The following RFTN1 variants were observed in gnomAD, a reference collection of about 807,000 sequenced individuals.
RFTN1 encodes raftlin, lipid raft linker 1, also known as raftlin.
RFTN1 carries 26 observed loss-of-function variants against 46.5 expected under a neutral mutation model. The ratio of observed to expected loss-of-function variants is 0.56; its 90% CI spans 0.41 to 0.78. The LOEUF is 0.78. Among genes scored for constraint, RFTN1 ranks in the 30% least tolerant of loss-of-function variants. The pLI is 0.00. For missense variants in RFTN1, 693 were observed against 718.7 expected (o/e 0.96, Z 0.41); for synonymous variants, 261 against 284.2 (o/e 0.92, Z 0.82).
In RFTN1 at chr3:16,513,649, C is replaced by A. The variant is rs1277201205; in HGVS notation, c.-216G>T. On this transcript the variant is annotated 5_prime_UTR_variant, in exon 1 of 10. Coordinates refer to ENST00000334133, the MANE Select transcript of RFTN1 (RefSeq NM_015150.2). The surrounding 1 kb of genome is among the most constrained non-coding windows in gnomAD (Gnocchi z 5.4). ...TCTGTCCCTCGCCGGAGCCCGCGGC[C>A]GCCGCGCTCTCGCTCGCTGCGCCCA... The A allele has an allele frequency of 6.6e-6, 1 of 151,058 alleles. No homozygotes were observed. The highest frequency in any genetic ancestry group is 1.5e-5 in the Non-Finnish European group (1 of 67,370). 9.4% of individuals were successfully genotyped at this position (151,058 alleles called of 1,614,324 possible).
rs1227475120 is a variant in RFTN1 at position 16,453,999 on chromosome 3, G to A, written c.146-19962C>T. ...TCCTTCCCACAGTGCAGAAATGGAA[G>A]GCAGAAGACAAAAGTCAAAGCCAGG... On this transcript the variant is annotated intron_variant, in intron 2 of 9. Coordinates refer to ENST00000334133, the MANE Select transcript of RFTN1 (RefSeq NM_015150.2). 3.3e-5 allele frequency among the ~76,000 whole-genome samples: 5 copies of A among 152,192 alleles called. No individual in the cohort carries two copies. The South Asian group carries it at 8.3e-4, about 25-fold the overall frequency.
chr3:16,425,640 C>T lies in RFTN1; in HGVS notation c.332+8211G>A, dbSNP rs184651182. On this transcript the variant is annotated intron_variant, in intron 3 of 9. Coordinates refer to ENST00000334133, the MANE Select transcript of RFTN1 (RefSeq NM_015150.2). The surrounding 1 kb of genome is among the most constrained non-coding windows in gnomAD (Gnocchi z 4.3). ...TTGGAGGAAGAGAACAAGAGTAACTCGGCAAGCCATTTAGGAGTGTGGATT... is the reference window on the plus strand; with the variant it reads ...TTGGAGGAAGAGAACAAGAGTAACTTGGCAAGCCATTTAGGAGTGTGGATT... 1.3e-5 allele frequency among the ~76,000 whole-genome samples: 2 copies of T among 152,174 alleles called. No individual in the cohort carries two copies. The highest frequency in any genetic ancestry group is 2.9e-5 in the Non-Finnish European group (2 of 67,998).
chr3:16,388,031 G>A (rs2125397464), intron 4 of RFTN1, among the ~76,000 whole-genome samples: 1 of 152,302 alleles, frequency 6.6e-6, no homozygotes, highest in Admixed American at 6.5e-5. Context: ...CTCCAACGAT[G>A]TCCCATTTAG....
At chr3:16,366,587 C>T (rs1012427173) in intron 6 of RFTN1, among the ~76,000 whole-genome samples, 14 of 151,590 alleles carry the variant, frequency 9.2e-5, no homozygotes, top group Non-Finnish European at 1.3e-4. Context: ...TTTTCTATCC[C>T]GCCCACCTCA....
chr3:16,467,934 G>A (rs1050419888), intron 2 of RFTN1, among the ~76,000 whole-genome samples: 15 of 152,096 alleles, frequency 9.9e-5, no homozygotes, highest in Admixed American at 1.3e-4. Context: ...GTACACTTTG[G>A]GGAAAGAGGG....
chr3:16,332,336 T>A (rs1256860519), intron 7 of RFTN1, among the ~76,000 whole-genome samples: 1 of 79,142 alleles, frequency 1.3e-5, no homozygotes, highest in Non-Finnish European at 2.8e-5. Context: ...CTTCATTTTG[T>A]CTTCCAACTT....
Position 16,345,829 on chromosome 3 carries a change from T to TGTGTGTGTGTGTGTGC in RFTN1, c.1146+12102_1146+12103insGCACACACACACACAC, listed in dbSNP as rs758493435. Among the ~76,000 whole-genome samples the TGTGTGTGTGTGTGTGC allele has an allele frequency of 2.9e-5, 2 of 69,826 alleles. No individual in the cohort carries two copies. The highest frequency in any genetic ancestry group is 1.1e-4 in the African/African-American group (2 of 18,858). The allele number at this position is 69,826 out of a possible 152,430, so 45.8% of individuals were successfully genotyped here. A position where few individuals can be genotyped will look rare whatever the true frequency, so the allele number is the denominator to read the frequency against. ...GTGTGTGTGTGTGTGCGCGCGCGCGTGCGCGCACGCGCACATGTGCATGTG... is the reference window on the plus strand; with the variant it reads ...GTGTGTGTGTGTGTGCGCGCGCGCGTGTGTGTGTGTGTGTGCGCGCGCACGCGCACATGTGCATGTG... On this transcript the variant is annotated intron_variant, in intron 7 of 9. Coordinates refer to ENST00000334133, the MANE Select transcript of RFTN1 (RefSeq NM_015150.2). The surrounding 1 kb of genome is among the most constrained non-coding windows in gnomAD (Gnocchi z 5.2).
chr3:16,415,634 G>C (rs2075064591), intron 3 of RFTN1, among the ~76,000 whole-genome samples: 1 of 151,644 alleles, frequency 6.6e-6, no homozygotes, highest in African/African-American at 2.4e-5. Flanking sequence ...ACCATGAAGA[G>C]GGTGGGGTGA....
Position 16,376,681 on chromosome 3 carries a change from A to G in RFTN1, c.826+1037T>C, listed in dbSNP as rs539137926. Among the ~76,000 whole-genome samples the G allele has an allele frequency of 6.6e-6, 1 of 152,356 alleles. No individual in the cohort carries two copies. The highest frequency in any genetic ancestry group is 1.9e-4 in the East Asian group (1 of 5,188). On this transcript the variant is annotated intron_variant, in intron 5 of 9. Coordinates refer to ENST00000334133, the MANE Select transcript of RFTN1 (RefSeq NM_015150.2). This position sits in a 1 kb window ranked among gnomAD's most constrained non-coding sequence, Gnocchi z 4.7. The stretch of plus-strand genomic sequence containing the variant: ...ACTAAGAAGGCTCAATGCCTTGATT[A>G]AACAATAGTCTTACTACATCACAAA...
chr3:16,397,665 T>G (rs111772738), intron 4 of RFTN1, among the ~76,000 whole-genome samples: 4,640 of 152,222 alleles, frequency 0.03, 94 homozygotes, highest in Non-Finnish European at 0.043. Flanking sequence ...CCCACCCCAC[T>G]GACTACCTGT....
chr3:16,393,716 T>C (rs985932652), intron 4 of RFTN1, among the ~76,000 whole-genome samples: 13 of 151,914 alleles, frequency 8.6e-5, no homozygotes, highest in African/African-American at 2.9e-4. Flanking sequence ...TGTAGTGCAG[T>C]GGCACGGTCT....
chr3:16,404,361 CACAATATATAATATAT>C (rs1445661623), intron 4 of RFTN1, among the ~76,000 whole-genome samples: 1 of 12,084 alleles, frequency 8.3e-5, no homozygotes, highest in Non-Finnish European at 1.3e-4. Flanking sequence ...AATATATATA[CACAATATATAATATAT>C]ATAATATATA....
At position 16,500,223 on chromosome 3, in the gene RFTN1, T is replaced by G. The variant is rs879285509; in HGVS notation, c.-8-6346A>C. Among the ~76,000 whole-genome samples the G allele has an allele frequency of 3.3e-5, 5 of 152,232 alleles. No homozygotes were observed. The highest frequency in any genetic ancestry group is 7.3e-5 in the Non-Finnish European group (5 of 68,036). The stretch of plus-strand genomic sequence containing the variant: ...ACAGCTCCACCCTTCCAAATTCCTA[T>G]GCTCACCTCACACTGACACCTAATG... On this transcript the variant is annotated intron_variant, in intron 1 of 9. Coordinates refer to ENST00000334133, the MANE Select transcript of RFTN1 (RefSeq NM_015150.2). The surrounding 1 kb of genome is among the most constrained non-coding windows in gnomAD (Gnocchi z 5.9).
In RFTN1 at chr3:16,348,534, C is replaced by G. The variant is rs943117571; in HGVS notation, c.1146+9398G>C. On this transcript the variant is annotated intron_variant, in intron 7 of 9. Coordinates refer to ENST00000334133, the MANE Select transcript of RFTN1 (RefSeq NM_015150.2). This position sits in a 1 kb window ranked among gnomAD's most constrained non-coding sequence, Gnocchi z 6.3. ...CAGGAGGCCTTGTTCAGTCTCTGCT[C>G]TCTCCCAGGGCACTTCTGGTCAGCA... Among the ~76,000 whole-genome samples, 1 of 152,078 alleles carries G rather than the reference C, an allele frequency of 6.6e-6. No individual in the cohort carries two copies. Among genetic ancestry groups the G allele is most frequent in the African/African-American group, 2.4e-5 (1 of 41,422 alleles).
rs1161416222 is a variant in RFTN1 at position 16,422,684 on chromosome 3, A to G, written c.332+11167T>C. ...TGTTAACATACATTACAAATTTATT[A>G]TCATCAAAATAACATGGTTCTGGCA... On this transcript the variant is annotated intron_variant, in intron 3 of 9. Coordinates refer to ENST00000334133, the MANE Select transcript of RFTN1 (RefSeq NM_015150.2). The surrounding 1 kb of genome is among the most constrained non-coding windows in gnomAD (Gnocchi z 4.6). Among the ~76,000 whole-genome samples, 1 of 152,150 alleles carries G rather than the reference A, an allele frequency of 6.6e-6. No individual in the cohort carries two copies. The highest frequency in any genetic ancestry group is 2.4e-5 in the African/African-American group (1 of 41,444).
In RFTN1 at chr3:16,370,004, G is replaced by A. The variant is rs921225219; in HGVS notation, c.1030+72C>T. On this transcript the variant is annotated intron_variant, in intron 6 of 9. Coordinates refer to ENST00000334133, the MANE Select transcript of RFTN1 (RefSeq NM_015150.2). This position sits in a 1 kb window ranked among gnomAD's most constrained non-coding sequence, Gnocchi z 5.5. ...TTCTGAATGAAGCAGACTCTGAAGA[G>A]GGACTAAGATTTCAAGAGTTAGAAG... The A allele has an allele frequency of 1.5e-5, 21 of 1,367,188 alleles. No individual in the cohort carries two copies. Among genetic ancestry groups the A allele is most frequent in the African/African-American group, 2.9e-5 (2 of 70,082 alleles). 84.7% of individuals were successfully genotyped at this position (1,367,188 alleles called of 1,614,324 possible). A position where few individuals can be genotyped will look rare whatever the true frequency, so the allele number is the denominator to read the frequency against.
chr3:16,369,880 T>C (rs1391405272), intron 6 of RFTN1, among the ~76,000 whole-genome samples, 196 bp downstream of exon 6: 1 of 152,184 alleles, frequency 6.6e-6, no homozygotes, highest in Non-Finnish European at 1.5e-5. Context: ...GGCTGACTCG[T>C]AGAGAGGTTT....
chr3:16,488,870 A>G (rs532247767), intron 2 of RFTN1, among the ~76,000 whole-genome samples: 1 of 152,348 alleles, frequency 6.6e-6, no homozygotes, highest in South Asian at 2.1e-4. Context: ...AAGCCACACA[A>G]AGATGAATGT....
chr3:16,490,417 C>A (rs1224972004), intron 2 of RFTN1, among the ~76,000 whole-genome samples: 3 of 152,124 alleles, frequency 2.0e-5, no homozygotes, highest in African/African-American at 7.2e-5. Context: ...TAGGCGGGGG[C>A]AGTGGGCACG....
Sources: gnomAD v4.1 joint callset for allele counts (sites outside exome capture counted in the v4.1 genomes callset) on GRCh38, gnomAD v4.1.1 for gene constraint, Gnocchi (gnomAD v3.1) non-coding constraint, MANE v1.5 for transcripts, NCBI Gene and HGNC (gene_info 2026-07-23, HGNC 2026-07-21) for gene names.